Variants in ZSWIM6 observed in about 807,000 individuals in gnomAD.
ZSWIM6 encodes zinc finger SWIM domain-containing protein 6.
A neutral mutation model predicts 113.2 loss-of-function variants in ZSWIM6; 9 were observed. The observed-to-expected ratio is 0.08, with a 90% CI of 0.05 to 0.14. ZSWIM6 has a LOEUF of 0.14. Ranked by LOEUF, ZSWIM6 falls within the 10% of genes least tolerant of loss-of-function variation. The pLI is 1.00. For synonymous variants in ZSWIM6, 611 were observed against 606.5 expected (o/e 1.01, Z -0.11); for missense variants, 1,162 against 1,552.2 (o/e 0.75, Z 4.22).
chr5:61,333,064 C>G, intron 1 of ZSWIM6, 116 bp downstream of exon 1: 3 of 1,015,962 alleles, frequency 3.0e-6, no homozygotes, highest in Non-Finnish European at 3.6e-6. Context: ...CGCACCCCTG[C>G]GGGTGTCCTC....
rs547661956 is a variant in ZSWIM6, at chr5:61,545,010, C to T, written c.*693C>T. Reference sequence around the variant, plus strand: ...CTGAATATTGAAAATATAACATTAACTAATTTATAAAAAATATTCTATGTA... The same window carrying T: ...CTGAATATTGAAAATATAACATTAATTAATTTATAAAAAATATTCTATGTA... On this transcript the variant is annotated 3_prime_UTR_variant, in exon 14 of 14. Coordinates refer to ENST00000252744, the MANE Select transcript of ZSWIM6 (RefSeq NM_020928.2). 6.6e-6 allele frequency: 1 copy of T among 151,590 alleles called. No individual in the cohort carries two copies. Among genetic ancestry groups the T allele is most frequent in the African/African-American group, 2.4e-5 (1 of 41,312 alleles). The allele number at this position is 151,590 out of a possible 1,614,324, so 9.4% of individuals were successfully genotyped here.
At position 61,332,847 on chromosome 5, in the gene ZSWIM6, G is replaced by C; in HGVS notation, c.575G>C (p.Gly192Ala). Residue 192 changes from glycine to alanine, a missense_variant, in exon 1 of 14, where the codon GGG becomes GCG. Gly to Ala is a moderately conservative substitution (Grantham distance 60). Transcript: ENST00000252744. ...GCGGGGGCCGGGGCCCCGTCGGTGG[G>C]GGCTGCCGGGGCGGCGGACGGCGGC... Reference protein sequence around the residue: ...AAAGAGAPSVGAAGAADGGDE... With the variant: ...AAAGAGAPSVAAAGAADGGDE... 1 of 1,132,082 alleles carries C rather than the reference G, an allele frequency of 8.8e-7. No homozygotes were observed. Among genetic ancestry groups the C allele is most frequent in the Non-Finnish European group, 1.1e-6 (1 of 909,208 alleles). 70.1% of individuals were successfully genotyped at this position (1,132,082 alleles called of 1,614,324 possible).
At chr5:61,424,480 T>C (rs1337289454) in intron 1 of ZSWIM6, among the ~76,000 whole-genome samples, 2 of 152,188 alleles carry the variant, frequency 1.3e-5, no homozygotes, top group East Asian at 3.9e-4. Context: ...GAGCAGACGC[T>C]GACAGATAAT....
At chr5:61,533,187 C>T (rs1248191836) in intron 9 of ZSWIM6, among the ~76,000 whole-genome samples, 3 of 152,222 alleles carry the variant, frequency 2.0e-5, no homozygotes, top group Admixed American at 6.5e-5. Context: ...TTTCCTGGCC[C>T]TGCAAGGCCC....
At chr5:61,527,101 T>C (rs1230608420) in intron 7 of ZSWIM6, among the ~76,000 whole-genome samples, 1 of 152,214 alleles carries the variant, frequency 6.6e-6, no homozygotes, top group African/African-American at 2.4e-5. Flanking sequence ...TATCTCAGTT[T>C]ATTAATCTTT....
chr5:61,486,086 A>G (rs1748012540), intron 2 of ZSWIM6, among the ~76,000 whole-genome samples: 1 of 152,104 alleles, frequency 6.6e-6, no homozygotes, highest in African/African-American at 2.4e-5. Context: ...TGTACATTGT[A>G]CCCATTAAGT....
intron 1 of ZSWIM6, among the ~76,000 whole-genome samples, chr5:61,467,827 A>G (rs1442217001): frequency 2.0e-5 from 3 of 151,364 alleles, no homozygotes; most frequent in African/African-American, 7.3e-5. Flanking sequence ...GCCATCAAAT[A>G]GCAGTGATTC....
chr5:61,340,972 C>T (rs990653247), intron 1 of ZSWIM6, among the ~76,000 whole-genome samples: 1 of 152,138 alleles, frequency 6.6e-6, no homozygotes, highest in Non-Finnish European at 1.5e-5. Context: ...TTGTTAACTA[C>T]AAAACTGTAT....
chr5:61,341,844 G>C (rs1165546607), intron 1 of ZSWIM6, among the ~76,000 whole-genome samples: 2 of 148,596 alleles, frequency 1.3e-5, no homozygotes, highest in African/African-American at 5.0e-5. Flanking sequence ...TAAATGATGT[G>C]GTCTCCAAAC....
chr5:61,426,538 G>T (rs1378780488), intron 1 of ZSWIM6, among the ~76,000 whole-genome samples: 2 of 151,830 alleles, frequency 1.3e-5, no homozygotes, highest in Non-Finnish European at 2.9e-5. Flanking sequence ...ATTTAACATT[G>T]GTAAAAACTT....
At chr5:61,421,026 G>C (rs1163556013) in intron 1 of ZSWIM6, among the ~76,000 whole-genome samples, 2 of 151,642 alleles carry the variant, frequency 1.3e-5, no homozygotes, top group Non-Finnish European at 2.9e-5. Flanking sequence ...TTCAAGCAGT[G>C]CTCATGTCTC....
At chr5:61,341,987 C>A (rs903306358) in intron 1 of ZSWIM6, among the ~76,000 whole-genome samples, 11 of 146,964 alleles carry the variant, frequency 7.5e-5, no homozygotes, top group African/African-American at 2.8e-4. Context: ...TCAAGCGATT[C>A]TCTTGCCTCA....
At chr5:61,440,120 T>C (rs371900753) in intron 1 of ZSWIM6, among the ~76,000 whole-genome samples, 38 of 151,382 alleles carry the variant, frequency 2.5e-4, no homozygotes, top group African/African-American at 7.7e-4. Context: ...GTAGGAAAGG[T>C]GAAAAAAAAA....
chr5:61,426,601 C>G (rs934797286), intron 1 of ZSWIM6, among the ~76,000 whole-genome samples: 7 of 152,054 alleles, frequency 4.6e-5, no homozygotes, highest in Admixed American at 2.6e-4. Context: ...TAATATTCTT[C>G]ATGGGATTTT....
chr5:61,478,022 TTG>T (rs972929802), intron 2 of ZSWIM6, among the ~76,000 whole-genome samples: 94 of 152,240 alleles, frequency 6.2e-4, no homozygotes, highest in African/African-American at 2.1e-3. Flanking sequence ...CTGTGGATGG[TTG>T]TGTTTATTGT....
At chr5:61,362,752 T>C (rs909201606) in intron 1 of ZSWIM6, among the ~76,000 whole-genome samples, 1 of 152,228 alleles carries the variant, frequency 6.6e-6, no homozygotes, top group Admixed American at 6.5e-5. Flanking sequence ...CAGTTTTTAT[T>C]TCCAGGTCTG....
chr5:61,440,301 T>G (rs1746798404), intron 1 of ZSWIM6, among the ~76,000 whole-genome samples: 1 of 150,644 alleles, frequency 6.6e-6, no homozygotes. Flanking sequence ...GGCCCAGATC[T>G]CTTTTCAGAT....
rs1746458476 is a variant in ZSWIM6 at position 61,426,149 on chromosome 5, G to T, written c.677-46532G>T. On this transcript the variant is annotated intron_variant, in intron 1 of 13. Coordinates refer to ENST00000252744, the MANE Select transcript of ZSWIM6 (RefSeq NM_020928.2). ...GGCAGTTTAGGCCATTGCATGATTT[G>T]CAAGGTTGTAAAGTGATATTGTGAT... is the stretch of plus-strand genomic sequence containing the variant. Among the ~76,000 whole-genome samples, 5 of 152,258 alleles carry T rather than the reference G, an allele frequency of 3.3e-5. No homozygotes were observed. The South Asian group carries it at 8.3e-4, about 25-fold the overall frequency.
Position 61,535,567 on chromosome 5 carries a change from C to T in ZSWIM6, c.2329C>T (p.Leu777Phe), listed in dbSNP as rs1207789330. 9 of 1,551,400 alleles carry T rather than the reference C, an allele frequency of 5.8e-6. No homozygotes were observed. Among genetic ancestry groups the T allele is most frequent in the Non-Finnish European group, 7.0e-6 (8 of 1,146,782 alleles). Residue 777 changes from leucine to phenylalanine, a missense_variant, in exon 10 of 14, where the codon CTC (leucine) becomes TTC (phenylalanine). By Grantham distance (22) the Leu-to-Phe change is conservative. Around this residue, in one of 4 missense-constraint regions of ZSWIM6, gnomAD observed 620 missense variants for 804.6 expected, o/e 0.77. Transcript: ENST00000252744. ...HTFAKYLFTS[L>F]LPHDAELAYK... ...ATTTGCCAAGTATCTCTTCACCTCT[C>T]TCCTACCTCACGATGCTGAATTGGC...
Sources: gnomAD v4.1 joint callset for allele counts (sites outside exome capture counted in the v4.1 genomes callset) on GRCh38, gnomAD v4.1.1 for gene constraint, gnomAD v4.1.1 regional missense constraint, MANE v1.5 for transcripts, NCBI Gene and HGNC (gene_info 2026-07-23, HGNC 2026-07-21) for gene names.